PPP3CA: variants seen among roughly 807,000 people sequenced by gnomAD.
The protein encoded by PPP3CA is CAM-PRP catalytic subunit.
PPP3CA carries 14 observed loss-of-function variants against 66.5 expected under a neutral mutation model. The observed-to-expected ratio is 0.21, with a 90% CI of 0.14 to 0.33. The LOEUF (loss-of-function observed/expected upper bound fraction) is 0.33. Ranked by LOEUF, PPP3CA falls within the 10% of genes least tolerant of loss-of-function variation. The pLI, the probability that PPP3CA is intolerant of heterozygous loss-of-function variation, is 1.00. For synonymous variants in PPP3CA, 232 were observed against 226.2 expected (o/e 1.03, Z -0.23); for missense variants, 317 against 639.5 (o/e 0.50, Z 5.44).
At chr4:101,137,243 A>G (rs1722651583) in intron 2 of PPP3CA, among the ~76,000 whole-genome samples, 1 of 152,174 alleles carries the variant, frequency 6.6e-6, no homozygotes, top group South Asian at 2.1e-4. Flanking sequence ...GATATTATCT[A>G]CAGTAGAAGA....
At chr4:101,036,622 C>T (rs1260185599) in intron 11 of PPP3CA, among the ~76,000 whole-genome samples, 4 of 151,732 alleles carry the variant, frequency 2.6e-5, no homozygotes, top group African/African-American at 9.7e-5. Flanking sequence ...CCATGTTAGC[C>T]AGGATGGTCT....
intron 10 of PPP3CA, among the ~76,000 whole-genome samples, chr4:101,060,851 CT>C (rs1211748582): frequency 2.0e-5 from 3 of 152,050 alleles, no homozygotes; most frequent in African/African-American, 7.2e-5. Flanking sequence ...CTACTGAAAG[CT>C]TATTAAAACA....
chr4:101,278,488 T>C (rs1317528256), intron 1 of PPP3CA, among the ~76,000 whole-genome samples: 1 of 152,132 alleles, frequency 6.6e-6, no homozygotes, highest in Non-Finnish European at 1.5e-5. Context: ...GACCTCTCCA[T>C]ATTGAACTTG....
intron 1 of PPP3CA, among the ~76,000 whole-genome samples, chr4:101,344,790 G>T (rs1441375515): frequency 6.6e-6 from 1 of 152,132 alleles, no homozygotes; most frequent in East Asian, 1.9e-4. Flanking sequence ...CACATCCTAT[G>T]ATTTAAAACA....
chr4:101,252,958 G>T (rs1282417303), intron 1 of PPP3CA, among the ~76,000 whole-genome samples: 9 of 152,134 alleles, frequency 5.9e-5, no homozygotes, highest in Non-Finnish European at 1.5e-5. Flanking sequence ...GCTTGCTAAG[G>T]CATGTGCTTC....
At chr4:101,091,853 A>G (rs1441251277) in intron 6 of PPP3CA, among the ~76,000 whole-genome samples, 1 of 144,168 alleles carries the variant, frequency 6.9e-6, no homozygotes, top group African/African-American at 2.6e-5. Context: ...TAATAATAAT[A>G]ATAATAATAA....
Position 101,278,122 on chromosome 4 carries a change from T to TAAAAA in PPP3CA, c.58+68612_58+68616dup, listed in dbSNP as rs3077992. The stretch of plus-strand genomic sequence containing the variant: ...AAAATGAAACTTTAAAAGCTATTAG[T>TAAAAA]AAAAAAAAAAAAAAAAATAAAAAAA... On this transcript the variant is annotated intron_variant, in intron 1 of 13. Transcript: ENST00000394854. 2.5e-3 allele frequency among the ~76,000 whole-genome samples: 283 copies of TAAAAA among 112,096 alleles called. 4 individuals are homozygous for TAAAAA. Among genetic ancestry groups the TAAAAA allele is most frequent in the African/African-American group, 6.8e-3 (153 of 22,636 alleles). 73.5% of individuals were successfully genotyped at this position (112,096 alleles called of 152,430 possible). A position where few individuals can be genotyped will look rare whatever the true frequency, so the allele number is the denominator to read the frequency against.
At chr4:101,328,334 A>G (rs935859045) in intron 1 of PPP3CA, among the ~76,000 whole-genome samples, 2 of 152,232 alleles carry the variant, frequency 1.3e-5, no homozygotes, top group Non-Finnish European at 2.9e-5. Context: ...TCTTTCAAAC[A>G]ATTTAAGAAT....
chr4:101,189,096 C>A (rs1724505973), intron 2 of PPP3CA, among the ~76,000 whole-genome samples: 1 of 152,014 alleles, frequency 6.6e-6, no homozygotes, highest in East Asian at 1.9e-4. Flanking sequence ...AAACGCTCCA[C>A]TAAGAAGACA....
At chr4:101,049,626 C>T (rs187523346) in intron 10 of PPP3CA, among the ~76,000 whole-genome samples, 2 of 151,916 alleles carry the variant, frequency 1.3e-5, no homozygotes, top group East Asian at 1.9e-4. Context: ...ATTGTGCATA[C>T]GTGATAAGTG....
chr4:101,168,319 T>A (rs1723759029), intron 2 of PPP3CA, among the ~76,000 whole-genome samples: 1 of 152,074 alleles, frequency 6.6e-6, no homozygotes, highest in South Asian at 2.1e-4. Context: ...AGGTCAGAAG[T>A]GTGGCTTTGG....
At chr4:101,029,884 T>C (rs1726862098) in intron 12 of PPP3CA, among the ~76,000 whole-genome samples, 1 of 151,620 alleles carries the variant, frequency 6.6e-6, no homozygotes, top group African/African-American at 2.4e-5. Context: ...GACTTCGTTT[T>C]CCAGCAAGCC....
Position 101,083,171 on chromosome 4 carries a change from C to G in PPP3CA, c.860+15G>C. ...GGACAATGCATGGTTTTTATAAATG[C>G]TCAAAACTGCTCACCCTGCATCTTG... On this transcript the variant is annotated intron_variant, in intron 7 of 13. Coordinates refer to ENST00000394854, the MANE Select transcript of PPP3CA (RefSeq NM_000944.5). 8.2e-6 allele frequency: 12 copies of G among 1,455,810 alleles called. No homozygotes were observed. Among genetic ancestry groups the G allele is most frequent in the Non-Finnish European group, 1.1e-5 (12 of 1,097,200 alleles). 90.2% of individuals were successfully genotyped at this position (1,455,810 alleles called of 1,614,324 possible). A position where few individuals can be genotyped will look rare whatever the true frequency, so the allele number is the denominator to read the frequency against.
chr4:101,301,207 C>G (rs529869412), intron 1 of PPP3CA, among the ~76,000 whole-genome samples: 50 of 151,796 alleles, frequency 3.3e-4, no homozygotes, highest in African/African-American at 9.6e-4. Flanking sequence ...GACATACAAA[C>G]TAGCATTCAT....
At chr4:101,078,099 T>A (rs1371105848) in intron 8 of PPP3CA, among the ~76,000 whole-genome samples, 1 of 152,130 alleles carries the variant, frequency 6.6e-6, no homozygotes, top group Non-Finnish European at 1.5e-5. Context: ...AGAAAATGAC[T>A]TTTAGGGACA....
At chr4:101,225,901 T>G (rs559650277) in intron 1 of PPP3CA, among the ~76,000 whole-genome samples, 1 of 151,880 alleles carries the variant, frequency 6.6e-6, no homozygotes, top group East Asian at 1.9e-4. Flanking sequence ...TCAATAAAGA[T>G]GAACATTTGT....
In PPP3CA at chr4:101,217,212, G is replaced by A. The variant is rs533293922; in HGVS notation, c.59-21096C>T. On this transcript the variant is annotated intron_variant, in intron 1 of 13. Coordinates refer to ENST00000394854, the MANE Select transcript of PPP3CA (RefSeq NM_000944.5). ...CAATAGTTCTGAATATGTGGATTTG[G>A]GGCCTGACTCCACCACAACCATGTA... is the stretch of plus-strand genomic sequence containing the variant. 3.9e-5 allele frequency among the ~76,000 whole-genome samples: 6 copies of A among 152,038 alleles called. No homozygotes were observed. In the South Asian group the frequency reaches 1.2e-3, roughly 32 times the overall value.
At chr4:101,075,287 G>T (rs72929324) in intron 8 of PPP3CA, among the ~76,000 whole-genome samples, 1 of 151,814 alleles carries the variant, frequency 6.6e-6, no homozygotes, top group South Asian at 2.1e-4. Flanking sequence ...GAATTGGTTT[G>T]TTTCTTGGTT....
At chr4:101,031,500 A>G (rs1409570160) in intron 12 of PPP3CA, among the ~76,000 whole-genome samples, 1 of 152,218 alleles carries the variant, frequency 6.6e-6, no homozygotes. Context: ...GGTAGCCACT[A>G]GCCTCCTGGC....
Sources: allele counts gnomAD v4.1 joint callset (sites outside exome capture counted in the v4.1 genomes callset), GRCh38; gene constraint gnomAD v4.1.1; transcripts MANE v1.5; gene names NCBI Gene and HGNC (gene_info 2026-07-23, HGNC 2026-07-21).